Variants in ANTXR2 observed in about 807,000 individuals in gnomAD.
ANTXR2 encodes the protein anthrax toxin receptor 2.
In ANTXR2, 44 loss-of-function variants were observed where a neutral mutation model predicts 73.7. The observed-to-expected ratio is 0.60, with a 90% CI of 0.47 to 0.77. ANTXR2 has a LOEUF of 0.77. Ranked by LOEUF, ANTXR2 falls within the 30% of genes least tolerant of loss-of-function variation. The pLI is 0.00. For synonymous variants in ANTXR2, 217 were observed against 205.9 expected (o/e 1.05, Z -0.46); for missense variants, 604 against 592.5 (o/e 1.02, Z -0.20).
intron 3 of ANTXR2, 112 bp from the exon 4 acceptor site, chr4:80,056,125 A>G: frequency 1.6e-6 from 1 of 622,646 alleles, no homozygotes. Context: ...TAGGAAGCAG[A>G]GGAAAGAACA....
rs190902404 is a variant in ANTXR2, at chr4:79,963,103, T to C, written c.1428+14518A>G. ...ATTTGAAGATGACATGGTTTAAGAG[T>C]GCCAAGCACTGGGTGATTTGTTAAC... On this transcript the variant is annotated intron_variant, in intron 16 of 16. Coordinates refer to ENST00000403729, the MANE Select transcript of ANTXR2 (RefSeq NM_058172.6). 2.2e-4 allele frequency among the ~76,000 whole-genome samples: 34 copies of C among 152,168 alleles called. No homozygotes were observed. In the East Asian group the frequency reaches 5.6e-3, roughly 25 times the overall value.
chr4:80,024,524 G>T, intron 10 of ANTXR2: 2 of 282,876 alleles, frequency 7.1e-6, no homozygotes, highest in Non-Finnish European at 7.1e-6. Context: ...ACTTTGGGAG[G>T]CCAAGGCGGG....
chr4:80,064,853 G>A (rs866779010), intron 3 of ANTXR2, among the ~76,000 whole-genome samples: 4 of 152,292 alleles, frequency 2.6e-5, no homozygotes, highest in Admixed American at 2.0e-4. Context: ...AGGATGGGGC[G>A]TTTAGGCCTT....
At chr4:79,996,471 G>C (rs1730736137) in intron 12 of ANTXR2, among the ~76,000 whole-genome samples, 1 of 151,916 alleles carries the variant, frequency 6.6e-6, no homozygotes, top group Non-Finnish European at 1.5e-5. Context: ...ATAACATTTA[G>C]CTAATATGCC....
At chr4:79,939,411 G>T (rs1578100050) in intron 16 of ANTXR2, among the ~76,000 whole-genome samples, 1 of 16,802 alleles carries the variant, frequency 6.0e-5, no homozygotes, top group Non-Finnish European at 1.5e-4. Context: ...CCAGAAGAGA[G>T]TGGGGGCCAA....
chr4:80,057,223 T>C (rs1425574406), intron 3 of ANTXR2, among the ~76,000 whole-genome samples: 1 of 151,960 alleles, frequency 6.6e-6, no homozygotes, highest in Non-Finnish European at 1.5e-5. Flanking sequence ...AGATTAATTG[T>C]AAGAAGTATC....
At chr4:79,928,300 A>C (rs1474414241) in intron 16 of ANTXR2, among the ~76,000 whole-genome samples, 1 of 152,202 alleles carries the variant, frequency 6.6e-6, no homozygotes, top group African/African-American at 2.4e-5. Flanking sequence ...GTGTTGCCTA[A>C]AACATTCAAA....
At chr4:79,961,396 T>C (rs1322649292) in intron 16 of ANTXR2, among the ~76,000 whole-genome samples, 1 of 151,984 alleles carries the variant, frequency 6.6e-6, no homozygotes, top group African/African-American at 2.4e-5. Context: ...ATGTGTTTAG[T>C]CCTGGACCAC....
intron 7 of ANTXR2, among the ~76,000 whole-genome samples, chr4:80,043,353 C>T (rs1042227232): frequency 3.9e-5 from 6 of 151,996 alleles, no homozygotes; most frequent in African/African-American, 1.4e-4. Flanking sequence ...CTGAAACCTT[C>T]TCTCCTACTT....
rs1368653658 is a variant in ANTXR2, at chr4:80,036,055, A to T, written c.637-23T>A. The T allele has an allele frequency of 2.8e-6, 4 of 1,440,038 alleles. No individual in the cohort carries two copies. In the African/African-American group the frequency reaches 4.4e-5, roughly 16 times the overall value. 89.2% of individuals were successfully genotyped at this position (1,440,038 alleles called of 1,614,324 possible). Reference sequence around the variant, plus strand: ...TATCTAAAAAAGAAAAAAAAAAAAGATTACCAAGCTATAGATCTAAAATTA... The same window carrying T: ...TATCTAAAAAAGAAAAAAAAAAAAGTTTACCAAGCTATAGATCTAAAATTA... On this transcript the variant is annotated intron_variant, in intron 7 of 16. Coordinates refer to ENST00000403729, the MANE Select transcript of ANTXR2 (RefSeq NM_058172.6).
At chr4:80,027,727 T>C (rs1732506837) in intron 10 of ANTXR2, among the ~76,000 whole-genome samples, 1 of 152,230 alleles carries the variant, frequency 6.6e-6, no homozygotes, top group Admixed American at 6.5e-5. Flanking sequence ...AATGTGTTTA[T>C]GTATATTTAC....
At chr4:79,996,289 G>A (rs536123927) in intron 12 of ANTXR2, among the ~76,000 whole-genome samples, 1 of 151,154 alleles carries the variant, frequency 6.6e-6, no homozygotes, top group Non-Finnish European at 1.5e-5. Flanking sequence ...TTACTTGCAT[G>A]GATGGATGGG....
At chr4:80,009,857 A>AAAAG (rs529194165) in intron 11 of ANTXR2, among the ~76,000 whole-genome samples, 3 of 151,194 alleles carry the variant, frequency 2.0e-5, no homozygotes, top group South Asian at 2.1e-4. Flanking sequence ...AAAAAAAAAA[A>AAAAG]AAAGAAAGAA....
intron 12 of ANTXR2, 64 bp downstream of exon 12, chr4:80,008,457 T>C (rs1731412216): frequency 5.3e-6 from 7 of 1,318,992 alleles, no homozygotes; most frequent in Admixed American, 4.2e-5. Flanking sequence ...TTATTCATAT[T>C]TCAGACCTTA....
chr4:80,056,001 A>G lies in ANTXR2; in HGVS notation c.309T>C (p.Ser103=), dbSNP rs998806929. 4 of 1,558,758 alleles carry G rather than the reference A, an allele frequency of 2.6e-6. No homozygotes were observed. The highest frequency in any genetic ancestry group is 3.5e-6 in the Non-Finnish European group (4 of 1,152,748). The change falls in exon 4 of 17, where the codon AGT becomes AGC. Residue 103 remains serine, a synonymous_variant. Coordinates refer to ENST00000403729, the MANE Select transcript of ANTXR2 (RefSeq NM_058172.6). ...CACGTTTTAAATCCTCCAAGCCTTT[A>G]CTGATTTTGCCTCTGAAAATAATAT... ...LPLTGDRGKI[S]KGLEDLKRVS...
At chr4:80,033,615 A>G in intron 8 of ANTXR2, 45 bp from the exon 9 acceptor site, 1 of 1,407,500 alleles carries the variant, frequency 7.1e-7, no homozygotes, top group Non-Finnish European at 9.7e-7. Flanking sequence ...TGCTTTACCA[A>G]AAAAATAAAA....
chr4:79,910,998 C>T (rs947430256), intron 16 of ANTXR2, among the ~76,000 whole-genome samples: 4 of 152,202 alleles, frequency 2.6e-5, no homozygotes, highest in African/African-American at 9.7e-5. Flanking sequence ...CAAGGCAATG[C>T]ATCCCGGTTG....
intron 6 of ANTXR2, among the ~76,000 whole-genome samples, chr4:80,054,621 A>G (rs904357800): frequency 6.6e-6 from 1 of 151,744 alleles, no homozygotes; most frequent in African/African-American, 2.4e-5. Context: ...TCTAACAGCT[A>G]TCAACAGCGT....
chr4:79,993,760 G>GCGCGCACACACACA (rs71662888), intron 12 of ANTXR2, among the ~76,000 whole-genome samples: 8 of 140,768 alleles, frequency 5.7e-5, no homozygotes, highest in South Asian at 2.3e-4. Context: ...ACACACACAC[G>GCGCGCACACACACA]CACACACACA....
Sources: gnomAD v4.1 joint callset for allele counts (sites outside exome capture counted in the v4.1 genomes callset) on GRCh38, gnomAD v4.1.1 for gene constraint, MANE v1.5 for transcripts, NCBI Gene and HGNC (gene_info 2026-07-23, HGNC 2026-07-21) for gene names.